Variants in KPNA5 observed in about 807,000 individuals in gnomAD.
The protein encoded by KPNA5 is importin subunit alpha-6.
Under a neutral mutation model 71.3 loss-of-function variants are expected in KPNA5, and 46 were observed. The ratio of observed to expected loss-of-function variants is 0.65; its 90% CI spans 0.51 to 0.83. The LOEUF (loss-of-function observed/expected upper bound fraction) is 0.83. Ranked by LOEUF, KPNA5 falls within the 40% of genes least tolerant of loss-of-function variation. KPNA5 has a pLI of 0.00. For missense variants in KPNA5, 547 were observed against 628.3 expected (o/e 0.87, Z 1.38); for synonymous variants, 207 against 201.4 (o/e 1.03, Z -0.24).
intron 2 of KPNA5, 121 bp downstream of exon 2, chr6:116,689,574 A>G: frequency 1.2e-6 from 1 of 825,014 alleles, no homozygotes; most frequent in Non-Finnish European, 1.7e-6. Context: ...TATTTATTAG[A>G]CTCCAGGCAT....
rs1735570718 is a variant in KPNA5 at position 116,738,900 on chromosome 6, G to C, written c.*6577G>C. The stretch of plus-strand genomic sequence containing the variant: ...ACAAACCCACAGCCAATATCATACT[G>C]AATGGGCAAAAACTGGAAGCATTCC... On this transcript the variant is annotated 3_prime_UTR_variant, in exon 14 of 14. Coordinates refer to ENST00000368564, the MANE Select transcript of KPNA5 (RefSeq NM_001366306.2). 6.6e-6 allele frequency: 1 copy of C among 151,664 alleles called. No homozygotes were observed. Among genetic ancestry groups the C allele is most frequent in the Non-Finnish European group, 1.5e-5 (1 of 67,908 alleles). 9.4% of individuals were successfully genotyped at this position (151,664 alleles called of 1,614,324 possible). A position where few individuals can be genotyped will look rare whatever the true frequency, so the allele number is the denominator to read the frequency against.
At chr6:116,732,074 T>TTTTATATATATATA (rs1463339776) in intron 13 of KPNA5, 62 bp from the exon 14 acceptor site, 679 of 67,648 alleles carry the variant, frequency 0.01, 89 homozygotes, top group Middle Eastern at 0.017. Context: ...AACAGTTTGT[T>TTTTATATATATATA]TATATATATA....
At chr6:116,695,105 C>T (rs1219642644) in intron 4 of KPNA5, among the ~76,000 whole-genome samples, 1 of 152,030 alleles carries the variant, frequency 6.6e-6, no homozygotes. Context: ...CATGCATCAC[C>T]ACGCCCAGCT....
At chr6:116,725,672 A>G in intron 10 of KPNA5, 79 bp from the exon 11 acceptor site, 1 of 1,260,792 alleles carries the variant, frequency 7.9e-7, no homozygotes, top group Non-Finnish European at 1.1e-6. Flanking sequence ...GGTTTTGTAC[A>G]TCTAAATAAT....
intron 1 of KPNA5, among the ~76,000 whole-genome samples, chr6:116,682,365 TTGA>T (rs147467087): frequency 0.18 from 28,072 of 152,012 alleles, 2,741 homozygotes; most frequent in East Asian, 0.29. Flanking sequence ...GCATTTACTT[TTGA>T]GCTTTTTAGA....
intron 5 of KPNA5, among the ~76,000 whole-genome samples, chr6:116,699,196 G>A (rs1778141057): frequency 6.6e-6 from 1 of 151,906 alleles, no homozygotes; most frequent in African/African-American, 2.4e-5. Flanking sequence ...TTTCAAAACA[G>A]AATAAATTAT....
rs1779645970 is a variant in KPNA5, at chr6:116,735,677, TTG to T, written c.*3356_*3357del. The T allele has an allele frequency of 6.6e-6, 1 of 151,756 alleles. No individual in the cohort carries two copies. Among genetic ancestry groups the T allele is most frequent in the Non-Finnish European group, 1.5e-5 (1 of 67,762 alleles). The allele number at this position is 151,756 out of a possible 1,614,324, so 9.4% of individuals were successfully genotyped here. Reference sequence around the variant, plus strand: ...GTGTCCATTTCATTTTTTCTTAAGATTGTTGTTTCCTAACAGAACAAAGACAG... The same window carrying T: ...GTGTCCATTTCATTTTTTCTTAAGATTTGTTTCCTAACAGAACAAAGACAG... On this transcript the variant is annotated 3_prime_UTR_variant, in exon 14 of 14. Transcript: ENST00000368564.
chr6:116,692,507 T>C (rs1777842749), intron 4 of KPNA5, 115 bp downstream of exon 4: 2 of 661,554 alleles, frequency 3.0e-6, no homozygotes, highest in South Asian at 3.9e-5. Flanking sequence ...ACAGGTGTTA[T>C]ATTCTCTGCA....
At chr6:116,726,445 A>G (rs749558553) in intron 11 of KPNA5, 50 bp from the exon 12 acceptor site, 1 of 1,447,218 alleles carries the variant, frequency 6.9e-7, no homozygotes, top group Non-Finnish European at 9.2e-7. Context: ...TTTACTGGTA[A>G]TATTTTAGAA....
At chr6:116,725,941 A>G (rs1419355415) in intron 11 of KPNA5, 65 bp downstream of exon 11, 1 of 1,524,534 alleles carries the variant, frequency 6.6e-7, no homozygotes, top group East Asian at 2.3e-5. Context: ...GACAAAAGTT[A>G]ACACTTTTAC....
In KPNA5 at chr6:116,703,081, T is replaced by C. The variant is rs534522228; in HGVS notation, c.567+931T>C. On this transcript the variant is annotated intron_variant, in intron 6 of 13. Coordinates refer to ENST00000368564, the MANE Select transcript of KPNA5 (RefSeq NM_001366306.2). Reference sequence around the variant, plus strand: ...ATTCTTCCATGGAAATTTTACTGATTACTCAATATCTGCTCAGATATGTAC... The same window carrying C: ...ATTCTTCCATGGAAATTTTACTGATCACTCAATATCTGCTCAGATATGTAC... 1.6e-4 allele frequency among the ~76,000 whole-genome samples: 25 copies of C among 152,300 alleles called. 2 individuals are homozygous for C. In the South Asian group the frequency reaches 4.1e-3, roughly 25 times the overall value.
At chr6:116,703,627 A>T (rs750265754) in intron 6 of KPNA5, among the ~76,000 whole-genome samples, 1 of 151,992 alleles carries the variant, frequency 6.6e-6, no homozygotes, top group Non-Finnish European at 1.5e-5. Context: ...ATATTATACC[A>T]ATTAAGATCT....
At chr6:116,712,574 T>A (rs1031217365) in intron 7 of KPNA5, among the ~76,000 whole-genome samples, 1 of 152,322 alleles carries the variant, frequency 6.6e-6, no homozygotes, top group South Asian at 2.1e-4. Flanking sequence ...GAGAGTTTAA[T>A]TCATTTACAT....
At chr6:116,713,411 T>A (rs2114457570) in intron 7 of KPNA5, among the ~76,000 whole-genome samples, 1 of 152,322 alleles carries the variant, frequency 6.6e-6, no homozygotes, top group East Asian at 1.9e-4. Context: ...TGATTTTTGA[T>A]GAGAAATCGG....
intron 8 of KPNA5, among the ~76,000 whole-genome samples, chr6:116,719,804 C>T (rs1163390462): frequency 6.6e-6 from 1 of 152,154 alleles, no homozygotes; most frequent in Admixed American, 6.5e-5. Context: ...GAGCTGTGAT[C>T]ATGCCACTGC....
At position 116,734,057 on chromosome 6, in the gene KPNA5, G is replaced by A. The variant is rs1174478678; in HGVS notation, c.*1734G>A. 2 of 151,594 alleles carry A rather than the reference G, an allele frequency of 1.3e-5. No individual in the cohort carries two copies. The highest frequency in any genetic ancestry group is 3.0e-5 in the Non-Finnish European group (2 of 67,694). The allele number at this position is 151,594 out of a possible 1,614,324, so 9.4% of individuals were successfully genotyped here. ...TATCTGTGCCCCTTTTTTCGTAGTG[G>A]AAGGTATATAGCCGAGTATAAAATG... On this transcript the variant is annotated 3_prime_UTR_variant, in exon 14 of 14. Coordinates refer to ENST00000368564, the MANE Select transcript of KPNA5 (RefSeq NM_001366306.2).
rs762021355 is a variant in KPNA5 at position 116,692,338 on chromosome 6, A to C, written c.286A>C (p.Asn96His). ...TATGGTTCAGATGATTTTTTCTAAT[A>C]ATGCTGATCAACAGCTAACAGCAAC... ...TDMVQMIFSN[N>H]ADQQLTATQK... Residue 96 changes from asparagine to histidine, a missense_variant, in exon 4 of 14, where the codon AAT becomes CAT. Coordinates refer to ENST00000368564, the MANE Select transcript of KPNA5 (RefSeq NM_001366306.2). The C allele has an allele frequency of 6.2e-7, 1 of 1,605,370 alleles. No homozygotes were observed. The highest frequency in any genetic ancestry group is 1.3e-5 in the African/African-American group (1 of 74,562).
intron 7 of KPNA5, among the ~76,000 whole-genome samples, chr6:116,709,888 G>A (rs1459710804): frequency 6.6e-6 from 1 of 151,932 alleles, no homozygotes; most frequent in Non-Finnish European, 1.5e-5. Flanking sequence ...AGCCTCCCAG[G>A]TAGCTGGGAC....
At chr6:116,700,378 G>A (rs1778183346) in intron 5 of KPNA5, among the ~76,000 whole-genome samples, 1 of 152,180 alleles carries the variant, frequency 6.6e-6, no homozygotes, top group South Asian at 2.1e-4. Flanking sequence ...GCTGAAGTGA[G>A]AGTATAACTT....
Sources: gnomAD v4.1 joint callset for allele counts (sites outside exome capture counted in the v4.1 genomes callset) on GRCh38, gnomAD v4.1.1 for gene constraint, MANE v1.5 for transcripts, NCBI Gene and HGNC (gene_info 2026-07-23, HGNC 2026-07-21) for gene names.